NLGN1: variants seen among roughly 807,000 people sequenced by gnomAD.
NLGN1 encodes the protein neuroligin-1.
Under a neutral mutation model 65.5 loss-of-function variants are expected in NLGN1, and 12 were observed. That is an observed-to-expected ratio of 0.18 (90% CI 0.12 to 0.30). The LOEUF is 0.30. NLGN1 is among the 10% of genes least tolerant of loss of function. The pLI, the probability that NLGN1 is intolerant of heterozygous loss-of-function variation, is 1.00. For missense variants in NLGN1, 750 were observed against 1,007.1 expected, an observed-to-expected ratio of 0.74 and a Z score of 3.46; for synonymous variants, 350 against 359.5, an observed-to-expected ratio of 0.97 and a Z score of 0.30.
At chr3:173,609,533 T>C (rs1287785355) in intron 3 of NLGN1, among the ~76,000 whole-genome samples, 2 of 151,968 alleles carry the variant, frequency 1.3e-5, no homozygotes, top group Non-Finnish European at 1.5e-5. Flanking sequence ...TGTATAACAA[T>C]GACTCCTAGT....
At chr3:173,507,392 T>C (rs1036952600) in intron 2 of NLGN1, among the ~76,000 whole-genome samples, 5 of 152,186 alleles carry the variant, frequency 3.3e-5, no homozygotes, top group African/African-American at 9.6e-5. Flanking sequence ...TCTCTCTTCT[T>C]AACTGGATTG....
chr3:173,671,066 C>T (rs1020417549), intron 3 of NLGN1, among the ~76,000 whole-genome samples: 3 of 152,108 alleles, frequency 2.0e-5, no homozygotes, highest in Non-Finnish European at 2.9e-5. Context: ...ATTATTAGTA[C>T]ACTCTTCACA....
At chr3:173,850,533 T>G (rs1405614210) in intron 4 of NLGN1, among the ~76,000 whole-genome samples, 6 of 152,142 alleles carry the variant, frequency 3.9e-5, no homozygotes. Context: ...TATTTTATTT[T>G]TACTCTATCT....
chr3:173,444,646 C>G (rs1239598947), intron 2 of NLGN1, among the ~76,000 whole-genome samples: 2 of 151,858 alleles, frequency 1.3e-5, no homozygotes, highest in African/African-American at 4.8e-5. Context: ...TTGAAAATGC[C>G]CTTACTATAT....
intron 4 of NLGN1, among the ~76,000 whole-genome samples, chr3:174,223,928 G>C (rs1274613282): frequency 6.6e-6 from 1 of 152,004 alleles, no homozygotes; most frequent in African/African-American, 2.4e-5. Flanking sequence ...CCTCCCTCTT[G>C]TATTTCTCAT....
At chr3:174,046,460 G>A (rs912651085) in intron 4 of NLGN1, among the ~76,000 whole-genome samples, 59 of 151,882 alleles carry the variant, frequency 3.9e-4, no homozygotes, top group African/African-American at 1.4e-3. Flanking sequence ...GCTGTGAAGA[G>A]CTTCTGGGAT....
chr3:174,034,672 T>C (rs1449374675), intron 4 of NLGN1, among the ~76,000 whole-genome samples: 1 of 151,984 alleles, frequency 6.6e-6, no homozygotes, highest in Admixed American at 6.6e-5. Context: ...CACTAATTTT[T>C]TAAAGAAATA....
At chr3:173,984,220 A>G (rs979504736) in intron 4 of NLGN1, among the ~76,000 whole-genome samples, 2 of 152,194 alleles carry the variant, frequency 1.3e-5, no homozygotes, top group African/African-American at 4.8e-5. Context: ...TGGGGACCAT[A>G]GCTTTGGCTC....
At chr3:173,489,068 T>C (rs977355827) in intron 2 of NLGN1, among the ~76,000 whole-genome samples, 4 of 151,784 alleles carry the variant, frequency 2.6e-5, no homozygotes, top group Non-Finnish European at 4.4e-5. Flanking sequence ...TTTCTTTTTC[T>C]GCTTACTTTT....
chr3:173,803,533 G>C (rs1461851555), intron 3 of NLGN1, among the ~76,000 whole-genome samples: 1 of 152,084 alleles, frequency 6.6e-6, no homozygotes, highest in Non-Finnish European at 1.5e-5. Context: ...GCTTAAATCT[G>C]GGAGGTGGAG....
chr3:173,807,972 A>T, intron 4 of NLGN1, 140 bp downstream of exon 4: 1 of 743,368 alleles, frequency 1.3e-6, no homozygotes, highest in Non-Finnish European at 2.2e-6. Flanking sequence ...AATTTTTTAT[A>T]GTTTCAATGA....
chr3:173,771,089 C>G (rs549524220), intron 3 of NLGN1, among the ~76,000 whole-genome samples: 2 of 152,258 alleles, frequency 1.3e-5, no homozygotes, highest in African/African-American at 2.4e-5. Context: ...GAAGTCTTCA[C>G]TGAGACCTCA....
chr3:173,920,180 T>A (rs1299980426), intron 4 of NLGN1, among the ~76,000 whole-genome samples: 1 of 151,724 alleles, frequency 6.6e-6, no homozygotes, highest in Non-Finnish European at 1.5e-5. Flanking sequence ...TAAAAAAGGC[T>A]TGGATTATCT....
At chr3:173,813,779 A>G (rs890376994) in intron 4 of NLGN1, among the ~76,000 whole-genome samples, 10 of 152,254 alleles carry the variant, frequency 6.6e-5, no homozygotes, top group Non-Finnish European at 2.9e-5. Context: ...AATTATCATA[A>G]TCACAAAAAG....
chr3:174,172,478 T>C (rs576118445), intron 4 of NLGN1, among the ~76,000 whole-genome samples: 1 of 143,944 alleles, frequency 6.9e-6, no homozygotes, highest in Non-Finnish European at 1.5e-5. Flanking sequence ...TCACCCAATT[T>C]GATGTGATTT....
intron 4 of NLGN1, among the ~76,000 whole-genome samples, chr3:174,246,341 T>C (rs1312194546): frequency 6.6e-6 from 1 of 152,204 alleles, no homozygotes; most frequent in African/African-American, 2.4e-5. Context: ...AAACCAGCTT[T>C]CTATACACAT....
intron 3 of NLGN1, among the ~76,000 whole-genome samples, chr3:173,716,093 A>G (rs1033906419): frequency 6.6e-5 from 10 of 152,322 alleles, no homozygotes; most frequent in Middle Eastern, 3.4e-3. Context: ...ATTTCACGAA[A>G]TAAAATTGAG....
chr3:174,231,703 G>A (rs1169587142), intron 4 of NLGN1, among the ~76,000 whole-genome samples: 2 of 152,028 alleles, frequency 1.3e-5, no homozygotes, highest in Admixed American at 6.6e-5. Context: ...TGATCTCCAG[G>A]GCTCTCATTC....
chr3:173,916,841 A>C (rs986722819), intron 4 of NLGN1, among the ~76,000 whole-genome samples: 1 of 152,314 alleles, frequency 6.6e-6, no homozygotes, highest in African/African-American at 2.4e-5. Context: ...TTAATTAGTA[A>C]AATTTTTAAA....
Sources: allele counts gnomAD v4.1 joint callset (sites outside exome capture counted in the v4.1 genomes callset), GRCh38; gene constraint gnomAD v4.1.1; transcripts MANE v1.5; gene names NCBI Gene and HGNC (gene_info 2026-07-23, HGNC 2026-07-21).